ANKRD30BL: variants seen among roughly 807,000 people sequenced by gnomAD.
The protein encoded by ANKRD30BL is putative ankyrin repeat domain-containing protein 30B-like.
In ANKRD30BL, 20 loss-of-function variants were observed where a neutral mutation model predicts 18.4. The ratio of observed to expected loss-of-function variants is 1.09; its 90% confidence interval spans 0.77 to 1.58. ANKRD30BL has a LOEUF of 1.58. ANKRD30BL is among the 40% of genes most tolerant of loss of function. ANKRD30BL has a pLI of 0.00. For missense variants in ANKRD30BL, 224 were observed against 268.6 expected (o/e 0.83, Z 1.16); for synonymous variants, 72 against 100.9 (o/e 0.71, Z 1.72).
intron 1 of ANKRD30BL, among the ~76,000 whole-genome samples, chr2:132,234,409 G>C (rs984294748): frequency 6.6e-6 from 1 of 151,858 alleles, no homozygotes; most frequent in Non-Finnish European, 1.5e-5. Flanking sequence ...CTGGTTTTTT[G>C]AAAGGATCAA....
chr2:132,154,635 G>GT, intron 4 of ANKRD30BL, 27 bp downstream of exon 4: 3 of 616,108 alleles, frequency 4.9e-6, no homozygotes, highest in Non-Finnish European at 5.9e-6. Flanking sequence ...CTACTCAAGT[G>GT]TTTTTTAATA....
chr2:132,218,006 C>A (rs1247654134), intron 1 of ANKRD30BL, among the ~76,000 whole-genome samples: 4 of 151,558 alleles, frequency 2.6e-5, no homozygotes, highest in Non-Finnish European at 1.5e-5. Flanking sequence ...GTGCATTCAA[C>A]TCACAGTGTT....
chr2:132,228,951 A>G (rs1476322558), intron 1 of ANKRD30BL, among the ~76,000 whole-genome samples: 1 of 151,942 alleles, frequency 6.6e-6, no homozygotes, highest in Non-Finnish European at 1.5e-5. Flanking sequence ...TCACATAAAA[A>G]ATAGATAGAA....
At chr2:132,149,701 T>C (rs2104914490) in intron 5 of ANKRD30BL, among the ~76,000 whole-genome samples, 1 of 152,342 alleles carries the variant, frequency 6.6e-6, no homozygotes, top group African/African-American at 2.4e-5. Context: ...GTTTTCACTC[T>C]AGGAGCCCAC....
intron 1 of ANKRD30BL, among the ~76,000 whole-genome samples, chr2:132,223,377 G>A (rs575834922): frequency 1.3e-5 from 2 of 152,010 alleles, no homozygotes; most frequent in Admixed American, 6.6e-5. Context: ...GAGCAGGTTT[G>A]AAACACTCTT....
At chr2:132,170,812 A>G (rs1003712485) in intron 1 of ANKRD30BL, among the ~76,000 whole-genome samples, 5 of 152,350 alleles carry the variant, frequency 3.3e-5, no homozygotes, top group African/African-American at 1.2e-4. Context: ...AGCTATATAA[A>G]TAATCAGGGT....
At chr2:132,195,065 G>A (rs1678935483) in intron 1 of ANKRD30BL, among the ~76,000 whole-genome samples, 1 of 152,092 alleles carries the variant, frequency 6.6e-6, no homozygotes, top group African/African-American at 2.4e-5. Flanking sequence ...ATGACAGATG[G>A]GTTAGTAGAA....
At chr2:132,249,792 C>T (rs1680602692) in intron 1 of ANKRD30BL, among the ~76,000 whole-genome samples, 1 of 152,060 alleles carries the variant, frequency 6.6e-6, no homozygotes, top group Admixed American at 6.6e-5. Flanking sequence ...TCAGAAACTT[C>T]TGTCAAGTTT....
chr2:132,210,851 C>T (rs975270771), intron 1 of ANKRD30BL, among the ~76,000 whole-genome samples: 1 of 150,476 alleles, frequency 6.6e-6, no homozygotes, highest in Admixed American at 6.7e-5. Flanking sequence ...ATTTGGAGCC[C>T]TTTGGGGCCT....
At chr2:132,231,130 G>T (rs946991176) in intron 1 of ANKRD30BL, among the ~76,000 whole-genome samples, 7 of 151,970 alleles carry the variant, frequency 4.6e-5, no homozygotes, top group Admixed American at 2.0e-4. Flanking sequence ...AGAGATTTGA[G>T]GCCTATGGTG....
intron 1 of ANKRD30BL, among the ~76,000 whole-genome samples, chr2:132,245,131 G>T (rs1573888690): frequency 1.3e-5 from 2 of 152,276 alleles, no homozygotes; most frequent in Admixed American, 1.3e-4. Flanking sequence ...AGCATTCTCA[G>T]AAGCTGCTTT....
rs537401281 is a variant in ANKRD30BL, at chr2:132,240,825, G to T, written n.441+16704C>A. Among the ~76,000 whole-genome samples, 781 of 151,734 alleles carry T rather than the reference G, an allele frequency of 5.1e-3. 3 individuals carry two copies. Among genetic ancestry groups the T allele is most frequent in the African/African-American group, 0.018 (754 of 41,474 alleles). On this transcript the variant is annotated intron_variant and non_coding_transcript_variant, in intron 1 of 4. Transcript: ENST00000470729. Reference sequence around the variant, plus strand: ...CGCTTTGAGGCCTATCATGAAAAAAGAAACACCTTCTCATAAAAATTAGAC... The same window carrying T: ...CGCTTTGAGGCCTATCATGAAAAAATAAACACCTTCTCATAAAAATTAGAC...
intron 1 of ANKRD30BL, among the ~76,000 whole-genome samples, chr2:132,223,660 C>A (rs943376446): frequency 1.3e-5 from 2 of 151,020 alleles, no homozygotes; most frequent in East Asian, 2.0e-4. Context: ...TCAGAAACTT[C>A]CTTGTGATGT....
chr2:132,191,710 T>G (rs942033179), intron 1 of ANKRD30BL, among the ~76,000 whole-genome samples: 3 of 152,034 alleles, frequency 2.0e-5, no homozygotes, highest in Admixed American at 6.6e-5. Flanking sequence ...TGTTATTGTG[T>G]TGTTTGACTT....
At chr2:132,241,361 A>G (rs550795780) in intron 1 of ANKRD30BL, among the ~76,000 whole-genome samples, 2 of 151,740 alleles carry the variant, frequency 1.3e-5, no homozygotes, top group Admixed American at 1.3e-4. Flanking sequence ...TAAAAACTAG[A>G]AAGAAGCATT....
chr2:132,246,025 T>C (rs370795456), intron 1 of ANKRD30BL, among the ~76,000 whole-genome samples: 1 of 140,206 alleles, frequency 7.1e-6, no homozygotes, highest in East Asian at 2.2e-4. Flanking sequence ...ACTCACAGAG[T>C]TGAACCTTTC....
rs181865003 is a variant in ANKRD30BL, at chr2:132,171,083, A to T, written n.442-13937T>A. 4.6e-3 allele frequency among the ~76,000 whole-genome samples: 684 copies of T among 149,928 alleles called. 5 individuals carry two copies. The highest frequency in any genetic ancestry group is 0.015 in the African/African-American group (618 of 40,490). ...AGGCAGGAGAATGGCGTGAACCCGG[A>T]GGCGGAGCCTGCAGTGAGCCGAGAT... On this transcript the variant is annotated intron_variant and non_coding_transcript_variant, in intron 1 of 4. Transcript: ENST00000470729.
At position 132,148,184 on chromosome 2, in the gene ANKRD30BL, C is replaced by T. The variant is rs768301650; in HGVS notation, c.724G>A (p.Glu242Lys). The T allele has an allele frequency of 6.2e-6, 10 of 1,605,084 alleles. No homozygotes were observed. Among genetic ancestry groups the T allele is most frequent in the South Asian group, 1.1e-5 (1 of 90,030 alleles). ...GTPDEAAPLA[E>K]RTPDTAESLV... Reference sequence around the variant, plus strand: ...CTTTCAGCCGTGTCAGGTGTTCTTTCCGCCAAGGGTGCAGCCTCATCAGGT... The same window carrying T: ...CTTTCAGCCGTGTCAGGTGTTCTTTTCGCCAAGGGTGCAGCCTCATCAGGT... The change falls in exon 6 of 6, where the codon GAA becomes AAA. Residue 242 changes from glutamate (E) to lysine (K), a missense_variant. This residue lies in a region of ANKRD30BL where 63 missense variants were observed against 62.3 expected (regional missense o/e 1.01). Transcript: ENST00000409867.
intron 1 of ANKRD30BL, among the ~76,000 whole-genome samples, chr2:132,231,598 G>A (rs1258030744): frequency 2.0e-5 from 3 of 152,152 alleles, no homozygotes; most frequent in Non-Finnish European, 4.4e-5. Context: ...GGAAAATCGG[G>A]TCACTCCCAC....
Sources: gnomAD v4.1 joint callset for allele counts (sites outside exome capture counted in the v4.1 genomes callset) on GRCh38, gnomAD v4.1.1 for gene constraint, gnomAD v4.1.1 regional missense constraint, MANE v1.5 for transcripts, NCBI Gene and HGNC (gene_info 2026-07-23, HGNC 2026-07-21) for gene names.